ATAD2B: variants seen among roughly 807,000 people sequenced by gnomAD.
The protein encoded by ATAD2B is ATPase family AAA domain-containing protein 2B.
ATAD2B carries 40 observed loss-of-function variants against 167.6 expected under a neutral mutation model. The ratio of observed to expected loss-of-function variants is 0.24; its 90% CI spans 0.19 to 0.31. The LOEUF (loss-of-function observed/expected upper bound fraction) is 0.31, where lower values mean the gene tolerates loss of function less well. Among genes scored for constraint, ATAD2B ranks in the 10% least tolerant of loss-of-function variants. ATAD2B has a pLI of 1.00. For missense variants in ATAD2B, 1,242 were observed against 1,757.2 expected, an observed-to-expected ratio of 0.71 and a Z score of 5.24; for synonymous variants, 579 against 596.5, an observed-to-expected ratio of 0.97 and a Z score of 0.43.
At chr2:23,812,167 T>C (rs1473149610) in intron 17 of ATAD2B, among the ~76,000 whole-genome samples, 1 of 151,688 alleles carries the variant, frequency 6.6e-6, no homozygotes, top group African/African-American at 2.4e-5. Flanking sequence ...TATCATTATG[T>C]AGTAGCAAAT....
At chr2:23,874,795 G>A (rs190019986) in intron 8 of ATAD2B, among the ~76,000 whole-genome samples, 1 of 152,214 alleles carries the variant, frequency 6.6e-6, no homozygotes, top group African/African-American at 2.4e-5. Flanking sequence ...GGTGGCTCAC[G>A]ACTGCAATGC....
Position 23,875,840 on chromosome 2 carries a change from T to G in ATAD2B, c.966A>C (p.Arg322Ser), listed in dbSNP as rs775372936. 6.2e-7 allele frequency: 1 copy of G among 1,608,320 alleles called. No homozygotes were observed. Among genetic ancestry groups the G allele is most frequent in the African/African-American group, 1.3e-5 (1 of 74,894 alleles). ...LFDIHRSPAR[R>S]SHIRRKKHAI... The stretch of plus-strand genomic sequence containing the variant: ...AAAACAAACCTTACCTAATATGGCT[T>G]CTTCTTGCTGGAGATCTATGAATAT... Residue 322 changes from arginine to serine, a missense_variant, in exon 8 of 28, where the codon AGA becomes AGC. Coordinates refer to ENST00000238789, the MANE Select transcript of ATAD2B (RefSeq NM_017552.4).
chr2:23,693,983 T>C, the ATAD2B span, among the ~76,000 whole-genome samples: 10 of 152,328 alleles, frequency 6.6e-5, no homozygotes, highest in East Asian at 1.2e-3. Flanking sequence ...GATCTCGCCA[T>C]TGAGCCCCAG....
the ATAD2B span, among the ~76,000 whole-genome samples, chr2:23,710,723 A>G: frequency 1.3e-5 from 2 of 152,252 alleles, no homozygotes; most frequent in East Asian, 3.8e-4. Flanking sequence ...TGAAAAAACA[A>G]TACAGTGTAA....
intron 16 of ATAD2B, among the ~76,000 whole-genome samples, chr2:23,821,270 G>A (rs1687401955): frequency 6.6e-6 from 1 of 152,136 alleles, no homozygotes; most frequent in Non-Finnish European, 1.5e-5. Flanking sequence ...CACAAATGGA[G>A]ATAAAAAGCT....
intron 12 of ATAD2B, among the ~76,000 whole-genome samples, chr2:23,859,593 A>G (rs2675366): frequency 0.065 from 9,893 of 152,126 alleles, 468 homozygotes; most frequent in African/African-American, 0.12. Context: ...AAAGAGTATC[A>G]TTTATCTTTT....
chr2:23,701,793 CTTTT>C, the ATAD2B span, among the ~76,000 whole-genome samples: 83 of 22,518 alleles, frequency 3.7e-3, no homozygotes, highest in Middle Eastern at 0.042. Context: ...CTTTTTTTTG[CTTTT>C]TTTTTTTTTT....
the ATAD2B span, chr2:23,703,627 A>C: frequency 7.1e-7 from 1 of 1,399,372 alleles, no homozygotes; most frequent in South Asian, 1.5e-5. Flanking sequence ...AAGTCTTTCG[A>C]GCTTCCTTCC....
intron 27 of ATAD2B, 36 bp downstream of exon 27, chr2:23,754,143 G>GT: frequency 6.9e-7 from 1 of 1,439,842 alleles, no homozygotes; most frequent in African/African-American, 1.5e-5. Flanking sequence ...GTAAAATCAA[G>GT]TATTTGTTTA....
chr2:23,813,000 G>A (rs1358491020), intron 17 of ATAD2B, among the ~76,000 whole-genome samples: 1 of 152,128 alleles, frequency 6.6e-6, no homozygotes, highest in Non-Finnish European at 1.5e-5. Flanking sequence ...AGGGCTCGTG[G>A]AGGTTAACTA....
At chr2:23,822,913 A>G in intron 16 of ATAD2B, among the ~76,000 whole-genome samples, 1 of 84,530 alleles carries the variant, frequency 1.2e-5, no homozygotes, top group Non-Finnish European at 2.2e-5. Flanking sequence ...GCGAAACTCC[A>G]TCTCAAAAAA....
In ATAD2B at chr2:23,895,868, G is replaced by C; in HGVS notation, c.319C>G (p.Arg107Gly). ...DSVCKDKSKS[R>G]STGQREEWNL... Reference sequence around the variant, plus strand: ...CATTCCTCTCGCTGACCAGTACTTCGTGATTTTGATTTGTCTTTGCAAACA... The same window carrying C: ...CATTCCTCTCGCTGACCAGTACTTCCTGATTTTGATTTGTCTTTGCAAACA... Residue 107 changes from arginine (R) to glycine (G), a missense_variant, in exon 2 of 28, where the codon CGA becomes GGA. Physicochemically the swap from Arg to Gly is moderately radical, Grantham distance 125. Transcript: ENST00000238789. 6.2e-7 allele frequency: 1 copy of C among 1,612,968 alleles called. No homozygotes were observed. The highest frequency in any genetic ancestry group is 8.5e-7 in the Non-Finnish European group (1 of 1,179,304).
At chr2:23,891,634 G>A (rs532167091) in intron 2 of ATAD2B, among the ~76,000 whole-genome samples, 104 of 151,464 alleles carry the variant, frequency 6.9e-4, no homozygotes, top group Non-Finnish European at 9.6e-4. Context: ...CAGTACAGGC[G>A]TGCACCACCA....
intron 1 of ATAD2B, among the ~76,000 whole-genome samples, chr2:23,915,044 G>A (rs1431783424): frequency 2.0e-5 from 3 of 152,118 alleles, no homozygotes; most frequent in Non-Finnish European, 4.4e-5. Context: ...CAGAGAGTAG[G>A]AAGCAATTTA....
intron 10 of ATAD2B, 41 bp downstream of exon 10, chr2:23,867,793 TA>T (rs1285146444): frequency 6.2e-6 from 9 of 1,446,210 alleles, no homozygotes; most frequent in African/African-American, 2.9e-5. Context: ...AAAAAACTTT[TA>T]AAAAAAAGAA....
chr2:23,711,369 T>C, the ATAD2B span, among the ~76,000 whole-genome samples: 7 of 104,436 alleles, frequency 6.7e-5, no homozygotes, highest in African/African-American at 1.5e-4. Flanking sequence ...TTTTTTTTTT[T>C]TTTTTTTTTT....
At chr2:23,812,762 T>TA (rs1685803472) in intron 17 of ATAD2B, among the ~76,000 whole-genome samples, 1 of 145,330 alleles carries the variant, frequency 6.9e-6, no homozygotes, top group African/African-American at 2.6e-5. Context: ...ACTCAGAAGA[T>TA]AGAGGCAGGA....
At chr2:23,747,762 C>T (rs1283230611), downstream of ATAD2B, among the ~76,000 whole-genome samples, 1 of 151,978 alleles carries the variant, frequency 6.6e-6, no homozygotes, top group Non-Finnish European at 1.5e-5. Flanking sequence ...CAAACATATA[C>T]ATGTGGGGGT....
intron 22 of ATAD2B, among the ~76,000 whole-genome samples, chr2:23,765,985 A>G (rs1422977837): frequency 2.0e-5 from 3 of 152,198 alleles, no homozygotes; most frequent in Non-Finnish European, 4.4e-5. Flanking sequence ...GCCCAGCCCC[A>G]GAGTTGTCAG....
Sources: gnomAD v4.1 joint callset for allele counts (sites outside exome capture counted in the v4.1 genomes callset) on GRCh38, gnomAD v4.1.1 for gene constraint, MANE v1.5 for transcripts, NCBI Gene and HGNC (gene_info 2026-07-23, HGNC 2026-07-21) for gene names.